The following RXRA variants were observed in gnomAD, a reference collection of about 807,000 sequenced individuals.
The protein encoded by RXRA is retinoid X receptor alpha, also known as retinoic acid receptor RXR-alpha.
In RXRA, 5 loss-of-function variants were observed where a neutral mutation model predicts 44.5. The observed-to-expected ratio is 0.11, with a 90% CI of 0.06 to 0.24. The LOEUF (loss-of-function observed/expected upper bound fraction) is 0.24, where lower values mean the gene tolerates loss of function less well. Among genes scored for constraint, RXRA ranks in the 10% least tolerant of loss-of-function variants. The pLI is 1.00. For missense variants in RXRA, 412 were observed against 646.5 expected, an observed-to-expected ratio of 0.64 and a Z score of 3.93; for synonymous variants, 291 against 271.4, an observed-to-expected ratio of 1.07 and a Z score of -0.71.
In RXRA at chr9:134,439,800, G is replaced by A. The variant is rs989945136; in HGVS notation, c.*3186G>A. 3.3e-5 allele frequency: 5 copies of A among 152,254 alleles called. No individual in the cohort carries two copies. Among genetic ancestry groups the A allele is most frequent in the Non-Finnish European group, 5.9e-5 (4 of 68,056 alleles). 9.4% of individuals were successfully genotyped at this position (152,254 alleles called of 1,614,324 possible). The stretch of plus-strand genomic sequence containing the variant: ...CAGCGCCACCCAGGAAAGGCGGAGC[G>A]GTTACCAGTGTTTTGTGTTTATTTT... On this transcript the variant is annotated 3_prime_UTR_variant, in exon 10 of 10. Coordinates refer to ENST00000481739, the MANE Select transcript of RXRA (RefSeq NM_002957.6).
chr9:134,423,295 C>G, intron 6 of RXRA: 1 of 985,458 alleles, frequency 1.0e-6, no homozygotes, highest in Non-Finnish European at 1.2e-6. Flanking sequence ...CCCCTGGGCC[C>G]AAGAAGCCAA....
intron 4 of RXRA, among the ~76,000 whole-genome samples, chr9:134,413,933 G>C (rs994250206): frequency 1.3e-5 from 2 of 152,096 alleles, no homozygotes; most frequent in Non-Finnish European, 2.9e-5. Flanking sequence ...AGCCTCCCCC[G>C]TGCCTCCACT....
At chr9:134,385,964 G>A (rs544761426) in intron 1 of RXRA, among the ~76,000 whole-genome samples, 84 of 152,366 alleles carry the variant, frequency 5.5e-4, no homozygotes, top group African/African-American at 1.9e-3. Context: ...GGGTGTGACG[G>A]TCGTGTCTCG....
intron 1 of RXRA, among the ~76,000 whole-genome samples, chr9:134,358,793 A>G (rs1396618676): frequency 1.3e-5 from 2 of 152,174 alleles, no homozygotes; most frequent in Non-Finnish European, 2.9e-5. Flanking sequence ...GGCTTTGGGA[A>G]CGTTGGCAGG....
chr9:134,334,135 C>T (rs1232042824), intron 1 of RXRA, among the ~76,000 whole-genome samples: 10 of 152,264 alleles, frequency 6.6e-5, no homozygotes, highest in South Asian at 2.1e-4. Flanking sequence ...GTGTTGAGGC[C>T]GCTGCTGGTG....
intron 1 of RXRA, among the ~76,000 whole-genome samples, chr9:134,356,476 C>A (rs1404137044): frequency 6.6e-6 from 1 of 152,080 alleles, no homozygotes; most frequent in Admixed American, 6.5e-5. Context: ...CCTGCAATGC[C>A]CACCAGGGCT....
chr9:134,356,912 C>T (rs73663461), intron 1 of RXRA, among the ~76,000 whole-genome samples: 2,391 of 152,344 alleles, frequency 0.016, 55 homozygotes, highest in African/African-American at 0.053. Context: ...CACCTCCGCA[C>T]CCTGCCTGTC....
At chr9:134,385,646 G>C (rs778800549) in intron 1 of RXRA, among the ~76,000 whole-genome samples, 3 of 152,250 alleles carry the variant, frequency 2.0e-5, no homozygotes, top group Admixed American at 6.5e-5. Flanking sequence ...CGCGAGCGGT[G>C]GTGGCCCCCG....
intron 4 of RXRA, among the ~76,000 whole-genome samples, chr9:134,415,051 C>T (rs1831211966): frequency 6.6e-6 from 1 of 152,242 alleles, no homozygotes; most frequent in Admixed American, 6.5e-5. Context: ...CATCAGGTTT[C>T]CAGTAGGGCC....
At chr9:134,337,731 G>A (rs75703340) in intron 1 of RXRA, among the ~76,000 whole-genome samples, 11,085 of 152,236 alleles carry the variant, frequency 0.073, 502 homozygotes, top group Middle Eastern at 0.13. Flanking sequence ...TTCACTTTGC[G>A]TCGTCGAAGG....
intron 1 of RXRA, among the ~76,000 whole-genome samples, chr9:134,353,630 T>C (rs1256977431): frequency 1.3e-5 from 2 of 152,232 alleles, no homozygotes; most frequent in East Asian, 3.9e-4. Flanking sequence ...GGGGAGGACG[T>C]TGGCAGCTTT....
chr9:134,341,645 A>G (rs1340518362), intron 1 of RXRA, among the ~76,000 whole-genome samples: 1 of 152,172 alleles, frequency 6.6e-6, no homozygotes, highest in Non-Finnish European at 1.5e-5. Context: ...GCTGGCTCGC[A>G]GCTTGGCCGG....
chr9:134,422,252 C>T (rs1831351889), intron 6 of RXRA: 2 of 1,288,784 alleles, frequency 1.6e-6, no homozygotes, highest in African/African-American at 3.0e-5. Flanking sequence ...ATGCTCCCAT[C>T]TCCCAGGACG....
At chr9:134,429,004 G>A in intron 6 of RXRA, 104 bp from the exon 7 acceptor site, 1 of 1,391,400 alleles carries the variant, frequency 7.2e-7, no homozygotes, top group African/African-American at 1.4e-5. Context: ...CTGTCAGGAT[G>A]GGTCGGTGAC....
chr9:134,344,838 T>A (rs1484976360), intron 1 of RXRA, among the ~76,000 whole-genome samples: 3 of 152,252 alleles, frequency 2.0e-5, no homozygotes, highest in Non-Finnish European at 4.4e-5. Context: ...CGACGCTCTA[T>A]GGGCACTGGG....
chr9:134,333,316 G>T (rs538785538), intron 1 of RXRA, among the ~76,000 whole-genome samples: 3 of 152,300 alleles, frequency 2.0e-5, no homozygotes, highest in South Asian at 2.1e-4. Flanking sequence ...ATGCCGGGAA[G>T]CCCTTGGTCA....
chr9:134,349,583 C>T lies in RXRA; in HGVS notation c.28+22924C>T, dbSNP rs1830196351. Among the ~76,000 whole-genome samples the T allele has an allele frequency of 6.6e-6, 1 of 152,180 alleles. No homozygotes were observed. The highest frequency in any genetic ancestry group is 2.1e-4 in the South Asian group (1 of 4,834). ...AGCAACTTGGCGAGCATGGGCCAGA[C>T]AGGGGCAGGGTTCTCAGGTGGCCCC... On this transcript the variant is annotated intron_variant, in intron 1 of 9. Coordinates refer to ENST00000481739, the MANE Select transcript of RXRA (RefSeq NM_002957.6). This position sits in a 1 kb window ranked among gnomAD's most constrained non-coding sequence, Gnocchi z 4.3.
rs36044946 is a variant in RXRA, at chr9:134,426,995, G to A, written c.911-2113G>A. 4.1e-3 allele frequency: 4,065 copies of A among 985,186 alleles called. 134 individuals carry two copies. In the African/African-American group the frequency reaches 0.066, roughly 16 times the overall value. 61.0% of individuals were successfully genotyped at this position (985,186 alleles called of 1,614,324 possible). On this transcript the variant is annotated intron_variant, in intron 6 of 9. Coordinates refer to ENST00000481739, the MANE Select transcript of RXRA (RefSeq NM_002957.6). The surrounding 1 kb of genome is among the most constrained non-coding windows in gnomAD (Gnocchi z 4.6). ...CTGGGAAAACCTGACGGGCTGAGCC[G>A]TAGGAGGGGCAGGAGTGGGAGTGGG...
At chr9:134,337,668 A>T (rs986108666) in intron 1 of RXRA, among the ~76,000 whole-genome samples, 4 of 152,018 alleles carry the variant, frequency 2.6e-5, no homozygotes, top group Non-Finnish European at 4.4e-5. Flanking sequence ...GTCATGAAGG[A>T]TGCGTAGGAG....
Sources: allele counts gnomAD v4.1 joint callset (sites outside exome capture counted in the v4.1 genomes callset), GRCh38; gene constraint gnomAD v4.1.1; non-coding constraint Gnocchi (gnomAD v3.1); transcripts MANE v1.5; gene names NCBI Gene and HGNC (gene_info 2026-07-23, HGNC 2026-07-21).